The following PEAK1 variants were observed in gnomAD, a reference collection of about 807,000 sequenced individuals.
PEAK1 encodes inactive tyrosine-protein kinase PEAK1.
PEAK1 carries 54 observed loss-of-function variants against 124.7 expected under a neutral mutation model. The ratio of observed to expected loss-of-function variants is 0.43; its 90% CI spans 0.35 to 0.54. The LOEUF (loss-of-function observed/expected upper bound fraction) is 0.54, where lower values mean the gene tolerates loss of function less well. Ranked by LOEUF, PEAK1 falls within the 20% of genes least tolerant of loss-of-function variation. The probability of loss-of-function intolerance (pLI) is 0.01; values close to 1 mark genes in which losing one functional copy is unlikely to be tolerated. For missense variants in PEAK1, 2,046 were observed against 2,134.5 expected (o/e 0.96, Z 0.82); for synonymous variants, 719 against 760.0 (o/e 0.95, Z 0.89).
intron 6 of PEAK1, among the ~76,000 whole-genome samples, chr15:77,236,312 C>T (rs2060121755): frequency 6.6e-6 from 1 of 152,228 alleles, no homozygotes; most frequent in Non-Finnish European, 1.5e-5. Flanking sequence ...CTACCCAAGG[C>T]CATGGGAGCC....
intron 2 of PEAK1, among the ~76,000 whole-genome samples, chr15:77,320,667 T>C (rs1043799273): frequency 3.3e-5 from 5 of 152,208 alleles, no homozygotes; most frequent in African/African-American, 1.2e-4. Flanking sequence ...CCCCAGCATT[T>C]TTTTTATTAT....
At chr15:77,258,031 T>C (rs1236482407) in intron 5 of PEAK1, among the ~76,000 whole-genome samples, 3 of 152,224 alleles carry the variant, frequency 2.0e-5, no homozygotes, top group Non-Finnish European at 4.4e-5. Flanking sequence ...AAAGATCAGA[T>C]AGTTGTAGAC....
In PEAK1 at chr15:77,281,357, T is replaced by A. The variant is rs559586050; in HGVS notation, c.-275+2526A>T. On this transcript the variant is annotated intron_variant, in intron 5 of 9. Coordinates refer to ENST00000682557, the MANE Select transcript of PEAK1 (RefSeq NM_001385026.1). ...AATTCATTCAATATAATCAAAAAAA[T>A]TTTTTTAACCCTACATAGAAAATCT... 2.5e-4 allele frequency among the ~76,000 whole-genome samples: 38 copies of A among 152,214 alleles called. 1 individual carries two copies. The highest frequency in any genetic ancestry group is 7.7e-4 in the East Asian group (4 of 5,186).
chr15:77,160,630 C>G (rs1276908694), intron 7 of PEAK1, among the ~76,000 whole-genome samples: 1 of 151,980 alleles, frequency 6.6e-6, no homozygotes, highest in Non-Finnish European at 1.5e-5. Flanking sequence ...GAGCCGAGAT[C>G]GTGCCACTGC....
intron 2 of PEAK1, chr15:77,334,505 C>T (rs934401195): frequency 1.1e-5 from 11 of 985,276 alleles, no homozygotes; most frequent in Non-Finnish European, 1.2e-5. Flanking sequence ...CTTCCACTCA[C>T]GACCCAGGCA....
intron 6 of PEAK1, among the ~76,000 whole-genome samples, chr15:77,223,485 GC>G (rs1448664691): frequency 6.6e-6 from 1 of 152,038 alleles, no homozygotes; most frequent in Non-Finnish European, 1.5e-5. Flanking sequence ...AACTATCATA[GC>G]AAGCAATCTG....
chr15:77,278,832 G>GT (rs34583265), intron 5 of PEAK1: 56,188 of 223,092 alleles, frequency 0.25, 7,172 homozygotes, highest in East Asian at 0.49. Flanking sequence ...AATTTTGTGG[G>GT]TTTTTTTTTT....
intron 2 of PEAK1, among the ~76,000 whole-genome samples, chr15:77,322,807 C>T (rs1162240818): frequency 6.6e-6 from 1 of 152,108 alleles, no homozygotes; most frequent in East Asian, 1.9e-4. Flanking sequence ...GATACCAAAG[C>T]CTGGCAGAGA....
At chr15:77,336,542 A>C (rs2066212957) in intron 2 of PEAK1, 13 of 985,240 alleles carry the variant, frequency 1.3e-5, no homozygotes, top group Non-Finnish European at 1.6e-5. Flanking sequence ...CATGAAATAT[A>C]GAGTCTGTGA....
intron 2 of PEAK1, among the ~76,000 whole-genome samples, chr15:77,307,369 A>G (rs112660464): frequency 3.0e-4 from 45 of 152,248 alleles, no homozygotes; most frequent in African/African-American, 9.4e-4. Flanking sequence ...AAGAACATAG[A>G]GTCCTTTTGA....
upstream of PEAK1, chr15:77,420,717 A>T (rs1471188463): frequency 5.0e-6 from 2 of 396,558 alleles, no homozygotes; most frequent in Non-Finnish European, 8.9e-6. Context: ...GGGGCAAAAT[A>T]ATCCCTTCAT....
At position 77,180,312 on chromosome 15, in the gene PEAK1, TG is replaced by T. The variant is rs1567076989; in HGVS notation, c.1614del (p.Ser538ArgfsTer11). On this transcript the variant is annotated frameshift_variant, in exon 7 of 10. Transcript: ENST00000682557. LOFTEE classifies it high-confidence loss of function. ...TTAGGTATCTTTTGTCGTGGACTGG[TG>T]CTAGAAGTCCATACTTCTTGGTATC... is the stretch of plus-strand genomic sequence containing the variant. ...AIRYQEVWTS[S>X]TSPRQKIPKV... The T allele has an allele frequency of 6.2e-7, 1 of 1,614,108 alleles. No individual in the cohort carries two copies. The highest frequency in any genetic ancestry group is 1.7e-5 in the Admixed American group (1 of 60,024).
chr15:77,282,459 G>T (rs1035625673), intron 5 of PEAK1, among the ~76,000 whole-genome samples: 22 of 151,970 alleles, frequency 1.4e-4, no homozygotes, highest in African/African-American at 4.6e-4. Context: ...AAGTTAAAAG[G>T]CTTTGTGTAT....
Position 77,264,430 on chromosome 15 carries a change from T to C in PEAK1, c.-274-11904A>G, listed in dbSNP as rs557511476. ...AGTCTCAGGATACAAAATCAATGTATAAAATCACAAGCATTCTTATACACC... is the reference window on the plus strand; with the variant it reads ...AGTCTCAGGATACAAAATCAATGTACAAAATCACAAGCATTCTTATACACC... On this transcript the variant is annotated intron_variant, in intron 5 of 9. Transcript: ENST00000682557. 6.2e-3 allele frequency among the ~76,000 whole-genome samples: 944 copies of C among 151,874 alleles called. 5 individuals carry two copies. Among genetic ancestry groups the C allele is most frequent in the African/African-American group, 0.018 (746 of 41,336 alleles).
At chr15:77,348,328 T>C (rs2066998909) in intron 2 of PEAK1, 9 of 876,016 alleles carry the variant, frequency 1.0e-5, no homozygotes, top group Non-Finnish European at 1.2e-5. Context: ...TCTTACAAGA[T>C]TGATAGGAAT....
At chr15:77,310,058 C>G (rs2064345060) in intron 2 of PEAK1, among the ~76,000 whole-genome samples, 1 of 152,112 alleles carries the variant, frequency 6.6e-6, no homozygotes, top group African/African-American at 2.4e-5. Flanking sequence ...GGTTTCAGCT[C>G]ACTACATGGA....
intron 5 of PEAK1, among the ~76,000 whole-genome samples, chr15:77,270,256 A>G (rs2061960607): frequency 1.3e-5 from 2 of 152,272 alleles, no homozygotes; most frequent in Middle Eastern, 6.8e-3. Flanking sequence ...CCTATTCAAC[A>G]CAGTGTTGGA....
intron 8 of PEAK1, among the ~76,000 whole-genome samples, chr15:77,154,662 C>G (rs904535015): frequency 6.6e-6 from 1 of 152,148 alleles, no homozygotes; most frequent in African/African-American, 2.4e-5. Context: ...CCTTCAGGAG[C>G]TCTTTCAGGG....
In PEAK1 at chr15:77,146,592, C is replaced by T. The variant is rs142655728; in HGVS notation, c.3331+11911G>A. The stretch of plus-strand genomic sequence containing the variant: ...TTTTAAATGGGAATGCAGCTAACTT[C>T]GGGACAGAGTGTATGATTTCTTTTT... On this transcript the variant is annotated intron_variant, in intron 8 of 9. Coordinates refer to ENST00000682557, the MANE Select transcript of PEAK1 (RefSeq NM_001385026.1). Among the ~76,000 whole-genome samples, 579 of 152,226 alleles carry T rather than the reference C, an allele frequency of 3.8e-3. 4 individuals are homozygous for T. Among genetic ancestry groups the T allele is most frequent in the African/African-American group, 0.013 (548 of 41,538 alleles).
Sources: gnomAD v4.1 joint callset for allele counts (sites outside exome capture counted in the v4.1 genomes callset) on GRCh38, gnomAD v4.1.1 for gene constraint, MANE v1.5 for transcripts, NCBI Gene and HGNC (gene_info 2026-07-23, HGNC 2026-07-21) for gene names.